Variants in WWOX observed in about 807,000 individuals in gnomAD.
WWOX encodes WW domain containing oxidoreductase.
A neutral mutation model predicts 46.2 loss-of-function variants in WWOX; 69 were observed. That is an observed-to-expected ratio of 1.49 (90% CI 1.23 to 1.82). WWOX has a LOEUF of 1.82. WWOX is among the 40% of genes most tolerant of loss of function. WWOX has a pLI of 0.00. For synonymous variants in WWOX, 359 were observed against 202.6 expected (o/e 1.77, Z -6.56); for missense variants, 919 against 542.6 (o/e 1.69, Z -6.89).
chr16:78,776,055 A>G (rs372941959), intron 8 of WWOX, among the ~76,000 whole-genome samples: 6 of 152,370 alleles, frequency 3.9e-5, no homozygotes, highest in East Asian at 1.9e-4. Context: ...CTATAGGAGT[A>G]TAACACCATG....
chr16:78,949,191 G>GC (rs1297946503), intron 8 of WWOX, among the ~76,000 whole-genome samples: 1 of 152,172 alleles, frequency 6.6e-6, no homozygotes, highest in Non-Finnish European at 1.5e-5. Flanking sequence ...CCAAAGAAGA[G>GC]CCCAGGCTGG....
intron 8 of WWOX, among the ~76,000 whole-genome samples, chr16:79,063,564 G>C (rs1393472994): frequency 6.6e-6 from 1 of 152,188 alleles, no homozygotes; most frequent in African/African-American, 2.4e-5. Flanking sequence ...AAACCAAATG[G>C]AGAATTCCAG....
intron 5 of WWOX, among the ~76,000 whole-genome samples, chr16:78,172,591 CT>C (rs74809880): frequency 2.3e-3 from 322 of 143,036 alleles, no homozygotes; most frequent in Non-Finnish European, 2.4e-3. Flanking sequence ...GTGTCTTCTC[CT>C]TTTTTTTTTT....
chr16:78,751,124 G>C (rs1200952377), intron 8 of WWOX, among the ~76,000 whole-genome samples: 1 of 152,138 alleles, frequency 6.6e-6, no homozygotes, highest in East Asian at 1.9e-4. Context: ...GTTTCAAACA[G>C]TTGAAACCAT....
At chr16:78,322,231 T>C (rs2080500052) in intron 5 of WWOX, among the ~76,000 whole-genome samples, 1 of 152,166 alleles carries the variant, frequency 6.6e-6, no homozygotes, top group African/African-American at 2.4e-5. Context: ...TTGTTAATGC[T>C]GATTATATAG....
intron 5 of WWOX, among the ~76,000 whole-genome samples, chr16:78,308,885 C>A (rs1395449275): frequency 1.3e-5 from 2 of 152,070 alleles, no homozygotes; most frequent in African/African-American, 2.4e-5. Context: ...CTACCTGATA[C>A]GGTTTGGCCG....
chr16:78,947,738 A>G (rs947427305), intron 8 of WWOX, among the ~76,000 whole-genome samples: 1 of 152,216 alleles, frequency 6.6e-6, no homozygotes, highest in African/African-American at 2.4e-5. Flanking sequence ...TGTGCCACCT[A>G]GATGCTATTT....
chr16:79,024,257 C>G (rs966489029), intron 8 of WWOX, among the ~76,000 whole-genome samples: 1 of 152,038 alleles, frequency 6.6e-6, no homozygotes, highest in South Asian at 2.1e-4. Context: ...TATTTTATGT[C>G]TTATTTATTT....
At chr16:78,411,369 G>C (rs1277881604) in intron 6 of WWOX, among the ~76,000 whole-genome samples, 1 of 152,116 alleles carries the variant, frequency 6.6e-6, no homozygotes, top group Non-Finnish European at 1.5e-5. Context: ...TCAACGTGTT[G>C]ATTAGAGGGA....
Position 78,321,415 on chromosome 16 carries a change from T to TATATACGTATATATAC in WWOX, c.517-65445_517-65444insATATACGTATATATAC, listed in dbSNP as rs2080479038. On this transcript the variant is annotated intron_variant, in intron 5 of 8. Transcript: ENST00000566780. ...ATACGTATATATACGTATATATATA[T>TATATACGTATATATAC]GTGTGTATATATATATATAAAAATA... 1.5e-5 allele frequency among the ~76,000 whole-genome samples: 2 copies of TATATACGTATATATAC among 137,284 alleles called. 1 individual carries two copies. Among genetic ancestry groups the TATATACGTATATATAC allele is most frequent in the African/African-American group, 5.5e-5 (2 of 36,234 alleles). The allele number at this position is 137,284 out of a possible 152,430, so 90.1% of individuals were successfully genotyped here.
intron 8 of WWOX, among the ~76,000 whole-genome samples, chr16:79,024,276 A>C (rs925389109): frequency 1.3e-5 from 2 of 152,130 alleles, no homozygotes; most frequent in Admixed American, 1.3e-4. Context: ...TTATTCTTTT[A>C]GGGACAGGGC....
At chr16:78,364,968 G>T (rs2081501094) in intron 5 of WWOX, among the ~76,000 whole-genome samples, 1 of 152,142 alleles carries the variant, frequency 6.6e-6, no homozygotes, top group Non-Finnish European at 1.5e-5. Flanking sequence ...TCTTCTGTCT[G>T]TGATAGTCAC....
chr16:79,029,521 A>G (rs1209690196), intron 8 of WWOX, among the ~76,000 whole-genome samples: 4 of 152,200 alleles, frequency 2.6e-5, no homozygotes. Context: ...GGACTTTGGA[A>G]ATGGAACAGG....
chr16:79,037,432 A>G (rs2047889541), intron 8 of WWOX, among the ~76,000 whole-genome samples: 1 of 152,156 alleles, frequency 6.6e-6, no homozygotes, highest in African/African-American at 2.4e-5. Context: ...TATGCTGGGT[A>G]CTAGACTGGG....
intron 8 of WWOX, among the ~76,000 whole-genome samples, chr16:78,946,460 G>C (rs2045950603): frequency 6.6e-6 from 1 of 152,138 alleles, no homozygotes. Flanking sequence ...CAGAGTGCTA[G>C]GATTAAAGGT....
At chr16:78,514,725 G>A (rs976456067) in intron 8 of WWOX, among the ~76,000 whole-genome samples, 4 of 152,154 alleles carry the variant, frequency 2.6e-5, no homozygotes, top group Non-Finnish European at 5.9e-5. Context: ...AGTATGTACA[G>A]GGTGGTTTTC....
chr16:78,627,790 G>GT (rs1379735693), intron 8 of WWOX, among the ~76,000 whole-genome samples: 3 of 152,208 alleles, frequency 2.0e-5, no homozygotes, highest in Non-Finnish European at 4.4e-5. Context: ...GCAGAGTAGA[G>GT]TATGCAGTGA....
At chr16:78,805,599 G>A (rs781747651) in intron 8 of WWOX, among the ~76,000 whole-genome samples, 2 of 152,138 alleles carry the variant, frequency 1.3e-5, no homozygotes, top group South Asian at 4.2e-4. Context: ...ATAGATTTGA[G>A]GCATCTTGAA....
At chr16:78,911,057 C>A (rs1249334144) in intron 8 of WWOX, among the ~76,000 whole-genome samples, 1 of 151,364 alleles carries the variant, frequency 6.6e-6, no homozygotes, top group Non-Finnish European at 1.5e-5. Context: ...CTGTCGACTT[C>A]CATCCCCATG....
Sources: gnomAD v4.1 joint callset for allele counts (sites outside exome capture counted in the v4.1 genomes callset) on GRCh38, gnomAD v4.1.1 for gene constraint, MANE v1.5 for transcripts, NCBI Gene and HGNC (gene_info 2026-07-23, HGNC 2026-07-21) for gene names.